Variants in PRDM16 observed in about 807,000 individuals in gnomAD.
The protein encoded by PRDM16 is PR/SET domain 16.
A neutral mutation model predicts 110.6 loss-of-function variants in PRDM16; 23 were observed. That is an observed-to-expected ratio of 0.21 (90% CI 0.15 to 0.29). The LOEUF is 0.29. PRDM16 is among the 10% of genes least tolerant of loss of function. The probability of loss-of-function intolerance (pLI) is 1.00; values close to 1 mark genes in which losing one functional copy is unlikely to be tolerated. For synonymous variants in PRDM16, 799 were observed against 781.8 expected (o/e 1.02, Z -0.37); for missense variants, 1,615 against 1,794.3 (o/e 0.90, Z 1.81).
rs191786825 is a variant in PRDM16 at position 3,394,153 on chromosome 1, C to G, written c.574-2338C>G. Among the ~76,000 whole-genome samples, 1,024 of 151,864 alleles carry G rather than the reference C, an allele frequency of 6.7e-3. 4 individuals are homozygous for G. The highest frequency in any genetic ancestry group is 0.024 in the African/African-American group (981 of 41,432). On this transcript the variant is annotated intron_variant, in intron 4 of 16. Coordinates refer to ENST00000270722, the MANE Select transcript of PRDM16 (RefSeq NM_022114.4). ...GGGAAGGGGTTTCCTTCCGCAGCGC[C>G]GCGGATCAGAGGAGGGAGGCCTGGC...
chr1:3,094,422 C>T (rs1431963264), intron 1 of PRDM16, among the ~76,000 whole-genome samples: 1 of 152,236 alleles, frequency 6.6e-6, no homozygotes, highest in East Asian at 1.9e-4. Context: ...CCCGTGGCCC[C>T]AGCCCGTCTC....
intron 3 of PRDM16, among the ~76,000 whole-genome samples, chr1:3,249,497 G>A (rs1227325266): frequency 6.6e-6 from 1 of 151,852 alleles, no homozygotes; most frequent in Admixed American, 6.6e-5. Context: ...TCCCGCCGGA[G>A]TGCCGTCACT....
chr1:3,310,591 G>T (rs1641428396), intron 3 of PRDM16, among the ~76,000 whole-genome samples: 2 of 152,058 alleles, frequency 1.3e-5, no homozygotes, highest in South Asian at 4.2e-4. Flanking sequence ...ACCGAGCCGG[G>T]TTACTTGGTC....
At chr1:3,408,102 A>G (rs1476184992) in intron 8 of PRDM16, among the ~76,000 whole-genome samples, 1 of 152,184 alleles carries the variant, frequency 6.6e-6, no homozygotes, top group Non-Finnish European at 1.5e-5. Flanking sequence ...AGGGAGTCCA[A>G]ATGGCGTGGC....
chr1:3,097,562 C>A (rs2100610859), intron 1 of PRDM16, among the ~76,000 whole-genome samples: 1 of 152,342 alleles, frequency 6.6e-6, no homozygotes, highest in South Asian at 2.1e-4. Context: ...ATGAATTCTT[C>A]TCCACTCGCA....
At chr1:3,337,979 CAT>C (rs1642195834) in intron 3 of PRDM16, among the ~76,000 whole-genome samples, 2 of 152,194 alleles carry the variant, frequency 1.3e-5, no homozygotes, top group South Asian at 4.1e-4. Context: ...CATGTGTGAA[CAT>C]AGTACACAAA....
intron 3 of PRDM16, among the ~76,000 whole-genome samples, chr1:3,380,268 C>T (rs1481431620): frequency 6.6e-6 from 1 of 151,794 alleles, no homozygotes; most frequent in Non-Finnish European, 1.5e-5. Context: ...TCAGAGGTGC[C>T]CCTCTGTGGA....
intron 2 of PRDM16, among the ~76,000 whole-genome samples, chr1:3,197,173 C>G (rs114146934): frequency 1.3e-5 from 2 of 152,194 alleles, no homozygotes; most frequent in Non-Finnish European, 1.5e-5. Context: ...TCTCCTCCCC[C>G]TCCCAGTGCA....
intron 14 of PRDM16, 42 bp from the exon 15 acceptor site, chr1:3,430,828 CAG>C: frequency 6.2e-7 from 1 of 1,605,274 alleles, no homozygotes; most frequent in Non-Finnish European, 8.5e-7. Flanking sequence ...ATGGGAAGGA[CAG>C]AGACACCCAA....
chr1:3,114,505 T>C (rs59633979), intron 1 of PRDM16, among the ~76,000 whole-genome samples: 7,859 of 145,522 alleles, frequency 0.054, 452 homozygotes, highest in East Asian at 0.23. Flanking sequence ...CACACGCGCA[T>C]GCACACACAC....
chr1:3,210,995 A>G (rs1340479013), intron 2 of PRDM16, among the ~76,000 whole-genome samples: 2 of 152,196 alleles, frequency 1.3e-5, no homozygotes, highest in Non-Finnish European at 2.9e-5. Context: ...ATATTTGTCT[A>G]TTCACTCATT....
intron 1 of PRDM16, among the ~76,000 whole-genome samples, chr1:3,128,966 C>T (rs1643272189): frequency 1.3e-5 from 2 of 152,168 alleles, no homozygotes; most frequent in Non-Finnish European, 2.9e-5. Flanking sequence ...AGCGACTGTG[C>T]AGATGAGATG....
At chr1:3,317,608 C>T (rs2100440554) in intron 3 of PRDM16, among the ~76,000 whole-genome samples, 1 of 152,338 alleles carries the variant, frequency 6.6e-6, no homozygotes, top group Admixed American at 6.5e-5. Flanking sequence ...TCCCTCCTGC[C>T]TCTTGGCTCC....
chr1:3,147,232 T>C (rs1256939578), intron 1 of PRDM16, among the ~76,000 whole-genome samples: 1 of 152,040 alleles, frequency 6.6e-6, no homozygotes, highest in Non-Finnish European at 1.5e-5. Flanking sequence ...TGCACACGTG[T>C]GCATTCACTT....
chr1:3,423,490 G>A (rs973491828), intron 12 of PRDM16, among the ~76,000 whole-genome samples: 2 of 152,230 alleles, frequency 1.3e-5, no homozygotes, highest in Admixed American at 6.5e-5. Context: ...GGGCAGCACC[G>A]TGCCGAGAAG....
chr1:3,328,946 A>ACCAATGCTGGCGGGTAGGGAACTCC (rs1641982151), intron 3 of PRDM16, among the ~76,000 whole-genome samples: 1 of 152,132 alleles, frequency 6.6e-6, no homozygotes, highest in Non-Finnish European at 1.5e-5. Flanking sequence ...GGGGGAGGGC[A>ACCAATGCTGGCGGGTAGGGAACTCC]CCAATGCTGG....
At chr1:3,239,247 G>C (rs1639607999) in intron 2 of PRDM16, among the ~76,000 whole-genome samples, 1 of 152,222 alleles carries the variant, frequency 6.6e-6, no homozygotes, top group Non-Finnish European at 1.5e-5. Flanking sequence ...AGATGTGGAG[G>C]CTCAGTGTGG....
At chr1:3,310,768 A>G (rs1051096694) in intron 3 of PRDM16, among the ~76,000 whole-genome samples, 13 of 151,744 alleles carry the variant, frequency 8.6e-5, no homozygotes, top group Admixed American at 3.9e-4. Context: ...GTTTGCATGT[A>G]TGGGTGTGTA....
intron 1 of PRDM16, among the ~76,000 whole-genome samples, chr1:3,107,943 G>A (rs1229357178): frequency 6.6e-6 from 1 of 152,256 alleles, no homozygotes. Context: ...CTGCCGGGGA[G>A]GGGGGCTGAA....
Sources: allele counts gnomAD v4.1 joint callset (sites outside exome capture counted in the v4.1 genomes callset), GRCh38; gene constraint gnomAD v4.1.1; transcripts MANE v1.5; gene names NCBI Gene and HGNC (gene_info 2026-07-23, HGNC 2026-07-21).